The following NSRP1 variants were observed in gnomAD, a reference collection of about 807,000 sequenced individuals.
The protein encoded by NSRP1 is coiled-coil domain containing 55.
A neutral mutation model predicts 54.7 loss-of-function variants in NSRP1; 24 were observed. The observed-to-expected ratio is 0.44, with a 90% CI of 0.32 to 0.62. NSRP1 has a LOEUF of 0.62. NSRP1 is among the 20% of genes least tolerant of loss of function. The pLI, the probability that NSRP1 is intolerant of heterozygous loss-of-function variation, is 0.06. For synonymous variants in NSRP1, 210 were observed against 213.8 expected, an observed-to-expected ratio of 0.98 and a Z score of 0.15; for missense variants, 596 against 651.2, an observed-to-expected ratio of 0.92 and a Z score of 0.92.
At chr17:30,139,763 G>A (rs2071785899) in intron 2 of NSRP1, among the ~76,000 whole-genome samples, 1 of 152,162 alleles carries the variant, frequency 6.6e-6, no homozygotes, top group Non-Finnish European at 1.5e-5. Flanking sequence ...GGTGGCTCAC[G>A]CCTGTAATCC....
chr17:30,149,660 G>C (rs1460902676), intron 2 of NSRP1, among the ~76,000 whole-genome samples: 1 of 151,700 alleles, frequency 6.6e-6, no homozygotes, highest in Non-Finnish European at 1.5e-5. Flanking sequence ...GTGAGACCCT[G>C]TCTCTGCAAA....
chr17:30,127,440 G>A (rs2071660288), intron 2 of NSRP1, among the ~76,000 whole-genome samples: 1 of 152,056 alleles, frequency 6.6e-6, no homozygotes, highest in Non-Finnish European at 1.5e-5. Context: ...TTGGAGACAA[G>A]GTTTTGCTCT....
chr17:30,142,501 A>G (rs1435739452), intron 2 of NSRP1, among the ~76,000 whole-genome samples: 1 of 151,866 alleles, frequency 6.6e-6, no homozygotes, highest in Non-Finnish European at 1.5e-5. Flanking sequence ...AATTAAAAAA[A>G]AAAAAAAAGT....
chr17:30,118,102 A>G lies in NSRP1; in HGVS notation c.43A>G (p.Lys15Glu). The G allele has an allele frequency of 6.2e-7, 1 of 1,613,928 alleles. No homozygotes were observed. Among genetic ancestry groups the G allele is most frequent in the Non-Finnish European group, 8.5e-7 (1 of 1,179,876 alleles). Residue 15 changes from lysine to glutamate, a missense_variant, in exon 2 of 7, where the codon AAA (lysine) becomes GAA (glutamate). By Grantham distance (56) the Lys-to-Glu change is moderately conservative. Transcript: ENST00000247026. ...GRQYGLILPK[K>E]TQQLHPVLQK... ...CAGGTATGGGCTTATTTTGCCAAAG[A>G]AAACACAGCAGTTGCACCCTGTTTT...
intron 1 of NSRP1, chr17:30,117,240 A>AG (rs1191247050): frequency 1.6e-6 from 1 of 614,302 alleles, no homozygotes; most frequent in African/African-American, 1.9e-5. Flanking sequence ...GCTTCCTTAG[A>AG]GGGCCTTGTT....
intron 2 of NSRP1, among the ~76,000 whole-genome samples, chr17:30,132,054 C>CA (rs1353534691): frequency 6.6e-6 from 1 of 151,934 alleles, no homozygotes; most frequent in Non-Finnish European, 1.5e-5. Flanking sequence ...CAAGACCATC[C>CA]TGGCTAACAT....
At chr17:30,178,960 T>G (rs549992905) in intron 4 of NSRP1, 130 bp from the exon 5 acceptor site, 5 of 496,442 alleles carry the variant, frequency 1.0e-5, no homozygotes, top group Non-Finnish European at 1.7e-5. Context: ...CTAGTAAGTT[T>G]ATATTGAATG....
chr17:30,165,694 T>C (rs1904706099), intron 2 of NSRP1, among the ~76,000 whole-genome samples: 1 of 152,226 alleles, frequency 6.6e-6, no homozygotes, highest in African/African-American at 2.4e-5. Flanking sequence ...CCACTATCAG[T>C]TCTAGAAAAC....
intron 2 of NSRP1, chr17:30,168,820 G>A (rs1212650481): frequency 6.6e-6 from 1 of 151,826 alleles, no homozygotes; most frequent in African/African-American, 2.4e-5. Context: ...ACAGGTTTTT[G>A]GCATTTAATC....
chr17:30,121,021 A>C (rs1365344400), intron 2 of NSRP1, among the ~76,000 whole-genome samples: 1 of 152,216 alleles, frequency 6.6e-6, no homozygotes, highest in Admixed American at 6.5e-5. Flanking sequence ...TTTGGGAGAG[A>C]ACAGCAAGAA....
chr17:30,137,222 T>C (rs1464432768), intron 2 of NSRP1, among the ~76,000 whole-genome samples: 2 of 152,210 alleles, frequency 1.3e-5, no homozygotes, highest in African/African-American at 2.4e-5. Context: ...TTCTCCGTAT[T>C]GTAGATTTGT....
At chr17:30,152,078 T>C (rs1393261517) in intron 2 of NSRP1, among the ~76,000 whole-genome samples, 1 of 151,994 alleles carries the variant, frequency 6.6e-6, no homozygotes, top group Non-Finnish European at 1.5e-5. Context: ...TGTTTGTCAC[T>C]TTCTTGATGG....
In NSRP1 at chr17:30,172,610, G is replaced by C. The variant is rs754739063; in HGVS notation, c.171+12G>C. ...AGGCCATGAAACAGGTAAGGTAGAA[G>C]ACTGGGATAAGTGCATTCAGTGAAG... On this transcript the variant is annotated intron_variant, in intron 3 of 6. Coordinates refer to ENST00000247026, the MANE Select transcript of NSRP1 (RefSeq NM_032141.4). The C allele has an allele frequency of 8.1e-6, 13 of 1,606,682 alleles. No homozygotes were observed. In the South Asian group the frequency reaches 1.4e-4, roughly 18 times the overall value.
At chr17:30,155,128 A>G (rs1349767870) in intron 2 of NSRP1, among the ~76,000 whole-genome samples, 1 of 152,050 alleles carries the variant, frequency 6.6e-6, no homozygotes, top group East Asian at 1.9e-4. Context: ...TTTTGTGAGT[A>G]TGAAGTAAAT....
chr17:30,128,567 A>T (rs2071671658), intron 2 of NSRP1, among the ~76,000 whole-genome samples: 2 of 152,208 alleles, frequency 1.3e-5, no homozygotes, highest in South Asian at 4.1e-4. Context: ...TTAAAAGTTG[A>T]CTATTGTTTA....
intron 2 of NSRP1, among the ~76,000 whole-genome samples, chr17:30,158,821 A>G (rs1252626611): frequency 6.6e-6 from 1 of 151,988 alleles, no homozygotes; most frequent in African/African-American, 2.4e-5. Context: ...ATTTTGGTCT[A>G]TGTGTCTGTT....
In NSRP1 at chr17:30,184,787, A is replaced by G; in HGVS notation, c.790A>G (p.Arg264Gly). 1 of 1,614,028 alleles carries G rather than the reference A, an allele frequency of 6.2e-7. No individual in the cohort carries two copies. The highest frequency in any genetic ancestry group is 1.1e-5 in the South Asian group (1 of 91,036). The change falls in exon 7 of 7, where the codon AGA becomes GGA. Residue 264 changes from arginine (R) to glycine (G), a missense_variant. Coordinates refer to ENST00000247026, the MANE Select transcript of NSRP1 (RefSeq NM_032141.4). Reference sequence around the variant, plus strand: ...TGCGGATGATGAAATAGAAGAAACTAGAGTGAACTGCAGAAGGGAAAAGGT... The same window carrying G: ...TGCGGATGATGAAATAGAAGAAACTGGAGTGAACTGCAGAAGGGAAAAGGT... ...SSADDEIEET[R>G]VNCRREKVIE...
chr17:30,154,218 G>A, intron 2 of NSRP1, among the ~76,000 whole-genome samples: 1 of 152,058 alleles, frequency 6.6e-6, no homozygotes, highest in Non-Finnish European at 1.5e-5. Flanking sequence ...CTACTCGGGA[G>A]GCTGAGGCGG....
At chr17:30,117,866 C>T in intron 1 of NSRP1, 1 of 406,614 alleles carries the variant, frequency 2.5e-6, no homozygotes, top group Non-Finnish European at 4.4e-6. Flanking sequence ...CGAGTTTGGC[C>T]CGTGTCCACA....
Sources: allele counts gnomAD v4.1 joint callset (sites outside exome capture counted in the v4.1 genomes callset), GRCh38; gene constraint gnomAD v4.1.1; transcripts MANE v1.5; gene names NCBI Gene and HGNC (gene_info 2026-07-23, HGNC 2026-07-21).